Variants in AKAP6 observed in about 807,000 individuals in gnomAD.
AKAP6 encodes the protein A-kinase anchoring protein 6, also known as A-kinase anchor protein 6.
Under a neutral mutation model 188.5 loss-of-function variants are expected in AKAP6, and 58 were observed. The ratio of observed to expected loss-of-function variants is 0.31; its 90% CI spans 0.25 to 0.38. The LOEUF is 0.38. AKAP6 is among the 10% of genes least tolerant of loss of function. The probability of loss-of-function intolerance (pLI) is 1.00; values close to 1 mark genes in which losing one functional copy is unlikely to be tolerated. For missense variants in AKAP6, 2,710 were observed against 2,740.0 expected, an observed-to-expected ratio of 0.99 and a Z score of 0.24; for synonymous variants, 989 against 998.6, an observed-to-expected ratio of 0.99 and a Z score of 0.18.
intron 1 of AKAP6, among the ~76,000 whole-genome samples, chr14:32,379,258 C>T (rs1474369299): frequency 6.6e-6 from 1 of 152,100 alleles, no homozygotes; most frequent in Admixed American, 6.6e-5. Context: ...GAAATTACTT[C>T]AGACTACTTA....
At chr14:32,785,195 T>C (rs982824781) in intron 12 of AKAP6, among the ~76,000 whole-genome samples, 8 of 152,100 alleles carry the variant, frequency 5.3e-5, no homozygotes, top group Non-Finnish European at 4.4e-5. Flanking sequence ...GAAAATTGGC[T>C]CTTACATAAA....
chr14:32,540,292 G>A (rs1485329388), intron 3 of AKAP6, among the ~76,000 whole-genome samples: 4 of 150,430 alleles, frequency 2.7e-5, no homozygotes, highest in Non-Finnish European at 5.9e-5. Context: ...TCTGCCTCCC[G>A]GGTTCAAGCA....
intron 2 of AKAP6, among the ~76,000 whole-genome samples, chr14:32,492,353 T>TAGAG (rs779414935): frequency 5.7e-5 from 3 of 52,260 alleles, no homozygotes; most frequent in Non-Finnish European, 9.8e-5. Context: ...TATATATATA[T>TAGAG]ATAGAGAGAG....
chr14:32,424,332 C>T (rs138791950), intron 1 of AKAP6, among the ~76,000 whole-genome samples: 2 of 152,078 alleles, frequency 1.3e-5, no homozygotes, highest in African/African-American at 4.8e-5. Flanking sequence ...CCCCATCAAG[C>T]TTCCTGTTCC....
intron 7 of AKAP6, among the ~76,000 whole-genome samples, chr14:32,610,932 C>T (rs1886324877): frequency 6.6e-6 from 1 of 152,010 alleles, no homozygotes; most frequent in Admixed American, 6.6e-5. Flanking sequence ...ACTGGTGTGC[C>T]CTGTGTGTTT....
At chr14:32,587,037 A>G (rs1885282681) in intron 5 of AKAP6, among the ~76,000 whole-genome samples, 1 of 152,216 alleles carries the variant, frequency 6.6e-6, no homozygotes. Flanking sequence ...TCTTGCTATC[A>G]GAGTATGTTA....
intron 12 of AKAP6, among the ~76,000 whole-genome samples, chr14:32,780,358 A>G (rs1035971883): frequency 6.6e-5 from 10 of 152,126 alleles, no homozygotes; most frequent in African/African-American, 2.4e-4. Flanking sequence ...AAAGAAAGAA[A>G]CAGAGAATCT....
Position 32,339,111 on chromosome 14 carries a change from A to G in AKAP6, c.-35+9703A>G, listed in dbSNP as rs189867345. On this transcript the variant is annotated intron_variant, in intron 1 of 13. Coordinates refer to ENST00000280979, the MANE Select transcript of AKAP6 (RefSeq NM_004274.5). ...ACTTGTTTGTTTGTTTCTCCCTGGT[A>G]TAATATAACTTGTATAAGGGCAGAG... 8.3e-4 allele frequency among the ~76,000 whole-genome samples: 127 copies of G among 152,286 alleles called. 3 individuals are homozygous for G. Among genetic ancestry groups the G allele is most frequent in the East Asian group, 3.9e-4 (2 of 5,180 alleles).
In AKAP6 at chr14:32,545,902, C is replaced by A. The variant is rs1053427377; in HGVS notation, c.1249C>A (p.Leu417Ile). Residue 417 changes from leucine (L) to isoleucine (I), a missense_variant, in exon 4 of 14, where the codon CTA (leucine) becomes ATA (isoleucine). Leu to Ile is a conservative substitution (Grantham distance 5, BLOSUM62 2). Transcript: ENST00000280979. ...GNGGKRQMVD[L>I]KPEMSRSTPS... ...TGGTGGAAAGAGGCAAATGGTTGAT[C>A]TAAAGCCTGAGATGAGCAGAAGCAC... 1 of 1,614,186 alleles carries A rather than the reference C, an allele frequency of 6.2e-7. No homozygotes were observed. The highest frequency in any genetic ancestry group is 8.5e-7 in the Non-Finnish European group (1 of 1,180,030).
At chr14:32,489,064 C>T (rs181332131) in intron 2 of AKAP6, among the ~76,000 whole-genome samples, 223 of 152,180 alleles carry the variant, frequency 1.5e-3, no homozygotes, top group Non-Finnish European at 2.6e-3. Flanking sequence ...TTGGTGTTTT[C>T]ATTAGGATGA....
chr14:32,727,737 C>T (rs1034658880), intron 9 of AKAP6, among the ~76,000 whole-genome samples: 13 of 152,102 alleles, frequency 8.5e-5, no homozygotes, highest in African/African-American at 3.1e-4. Flanking sequence ...TCAGGAAAAC[C>T]TATTATTAAT....
chr14:32,629,117 A>G (rs1358844348), intron 7 of AKAP6, among the ~76,000 whole-genome samples: 1 of 152,066 alleles, frequency 6.6e-6, no homozygotes, highest in African/African-American at 2.4e-5. Context: ...ACAAGGAAGG[A>G]GCTGGGGTAG....
intron 1 of AKAP6, among the ~76,000 whole-genome samples, chr14:32,424,737 A>T: frequency 6.6e-6 from 1 of 152,040 alleles, no homozygotes; most frequent in East Asian, 1.9e-4. Context: ...CCCACTTATA[A>T]GTGAGAACAT....
chr14:32,763,978 A>G (rs904499889), intron 11 of AKAP6, among the ~76,000 whole-genome samples: 3 of 152,184 alleles, frequency 2.0e-5, no homozygotes, highest in Non-Finnish European at 2.9e-5. Flanking sequence ...TGCAACATTT[A>G]TATGCAAGGT....
intron 12 of AKAP6, among the ~76,000 whole-genome samples, chr14:32,808,578 G>T (rs893258685): frequency 2.0e-5 from 3 of 152,294 alleles, no homozygotes; most frequent in East Asian, 3.9e-4. Context: ...TAAGAGATCC[G>T]AAATAATCCA....
At chr14:32,594,488 T>G (rs1219999846) in intron 5 of AKAP6, among the ~76,000 whole-genome samples, 1 of 152,224 alleles carries the variant, frequency 6.6e-6, no homozygotes, top group African/African-American at 2.4e-5. Context: ...CATAGAAATC[T>G]TCCGATTCTT....
intron 1 of AKAP6, among the ~76,000 whole-genome samples, chr14:32,390,654 T>TCTGGGCTGGTA (rs1357667111): frequency 6.6e-6 from 1 of 152,142 alleles, no homozygotes; most frequent in Non-Finnish European, 1.5e-5. Flanking sequence ...TCTACCAGGT[T>TCTGGGCTGGTA]CTGGGCTGGT....
At chr14:32,800,014 A>G (rs1594958324) in intron 12 of AKAP6, among the ~76,000 whole-genome samples, 2 of 149,412 alleles carry the variant, frequency 1.3e-5, no homozygotes, top group East Asian at 3.9e-4. Flanking sequence ...GTTCAAGACC[A>G]GCCTGGGCAA....
intron 2 of AKAP6, among the ~76,000 whole-genome samples, chr14:32,509,972 C>T (rs1217680334): frequency 1.3e-5 from 2 of 152,104 alleles, no homozygotes; most frequent in East Asian, 1.9e-4. Context: ...GCTGCCTCAC[C>T]GTGCAGCTGA....
Sources: allele counts gnomAD v4.1 joint callset (sites outside exome capture counted in the v4.1 genomes callset), GRCh38; gene constraint gnomAD v4.1.1; transcripts MANE v1.5; gene names NCBI Gene and HGNC (gene_info 2026-07-23, HGNC 2026-07-21).